The following MSN variants were observed in gnomAD, a reference collection of about 807,000 sequenced individuals.
MSN encodes the protein epididymis luminal protein 70.
In MSN, 2 loss-of-function variants were observed where a neutral mutation model predicts 48.0. The ratio of observed to expected loss-of-function variants is 0.04; its 90% CI spans 0.02 to 0.13. The LOEUF (loss-of-function observed/expected upper bound fraction) is 0.13, where lower values mean the gene tolerates loss of function less well. Among genes scored for constraint, MSN ranks in the 10% least tolerant of loss-of-function variants. The pLI, the probability that MSN is intolerant of heterozygous loss-of-function variation, is 1.00. For missense variants in MSN, 267 were observed against 470.1 expected, an observed-to-expected ratio of 0.57 and a Z score of 3.99; for synonymous variants, 146 against 166.9, an observed-to-expected ratio of 0.87 and a Z score of 0.97.
At chrX:65,733,508 C>G (rs2071644324) in intron 7 of MSN, among the ~76,000 whole-genome samples, 1 of 112,356 alleles carries the variant, frequency 8.9e-6, no homozygotes, top group Non-Finnish European at 1.9e-5. Flanking sequence ...CTACCTGTCT[C>G]TCTCACTGTG....
At chrX:65,639,047 TGCTCCTCCTG>T (rs1569456988) in intron 1 of MSN, among the ~76,000 whole-genome samples, 6 of 112,901 alleles carry the variant, frequency 5.3e-5, no homozygotes, top group African/African-American at 3.2e-5. Flanking sequence ...ATATCTCACT[TGCTCCTCCTG>T]GCTCCTCCTG....
At chrX:65,695,412 A>G (rs1357831066) in intron 1 of MSN, among the ~76,000 whole-genome samples, 1 of 105,893 alleles carries the variant, frequency 9.4e-6, no homozygotes, top group Non-Finnish European at 1.9e-5. Context: ...AGGCATGAGA[A>G]TAGCTTGAAC....
intron 1 of MSN, among the ~76,000 whole-genome samples, chrX:65,696,669 T>C (rs1015807366): frequency 2.8e-4 from 31 of 111,549 alleles, no homozygotes; most frequent in African/African-American, 7.2e-4. Context: ...GAAGGTTATA[T>C]GTTTGTGGTG....
At position 65,730,128 on chromosome X, in the gene MSN, T is replaced by C. The variant is rs140534818; in HGVS notation, c.467+416T>C. Among the ~76,000 whole-genome samples the C allele has an allele frequency of 2.6e-4, 29 of 112,503 alleles. No individual in the cohort carries two copies. The East Asian group carries it at 6.4e-3, about 25-fold the overall frequency. On this transcript the variant is annotated intron_variant, in intron 4 of 12. Coordinates refer to ENST00000360270, the MANE Select transcript of MSN (RefSeq NM_002444.3). ...GGGGAGCTCAAATAGTCTTTTAATA[T>C]TGACAGCTAGTGTACAGAGCTTTCC...
chrX:65,617,556 C>T (rs2070386987), intron 1 of MSN, among the ~76,000 whole-genome samples: 1 of 106,036 alleles, frequency 9.4e-6, no homozygotes, highest in Admixed American at 9.9e-5. Context: ...GGTGATATCC[C>T]CTTTATCATT....
chrX:65,689,399 A>G (rs2071149207), intron 1 of MSN, among the ~76,000 whole-genome samples: 1 of 111,582 alleles, frequency 9.0e-6, no homozygotes, highest in South Asian at 3.8e-4. Context: ...TGAATTTTGT[A>G]AGGGAGCATA....
At chrX:65,627,488 T>C (rs748788073) in intron 1 of MSN, among the ~76,000 whole-genome samples, 7 of 110,822 alleles carry the variant, frequency 6.3e-5, no homozygotes, top group Non-Finnish European at 1.1e-4. Flanking sequence ...AAACCCCTGA[T>C]AAACCCATCA....
intron 7 of MSN, among the ~76,000 whole-genome samples, chrX:65,734,128 A>G (rs943947795): frequency 1.8e-5 from 2 of 112,130 alleles, no homozygotes; most frequent in Non-Finnish European, 3.8e-5. Flanking sequence ...CACACTCGCC[A>G]TGCTTCTTAC....
chrX:65,719,495 A>G (rs1862092434), intron 2 of MSN, among the ~76,000 whole-genome samples: 1 of 111,855 alleles, frequency 8.9e-6, no homozygotes, highest in African/African-American at 3.2e-5. Flanking sequence ...GTGAGGAGGT[A>G]GGGCTAGCTG....
At chrX:65,722,342 C>T (rs1304553534) in intron 2 of MSN, among the ~76,000 whole-genome samples, 4 of 110,568 alleles carry the variant, frequency 3.6e-5, no homozygotes, top group African/African-American at 1.3e-4. Flanking sequence ...CATTGTTTCT[C>T]ACACAGTTCT....
At chrX:65,715,534 T>C (rs1442514236) in intron 1 of MSN, among the ~76,000 whole-genome samples, 1 of 111,852 alleles carries the variant, frequency 8.9e-6, no homozygotes, top group Non-Finnish European at 1.9e-5. Context: ...CTTGTAGAGA[T>C]CTTTCGCTTC....
intron 1 of MSN, among the ~76,000 whole-genome samples, chrX:65,614,819 G>T (rs1455673299): frequency 1.0e-4 from 10 of 97,595 alleles, no homozygotes; most frequent in Non-Finnish European, 1.6e-4. Context: ...TCGTCATCTA[G>T]CATTAGGTAT....
intron 1 of MSN, among the ~76,000 whole-genome samples, chrX:65,632,612 A>G (rs1387143203): frequency 1.8e-5 from 2 of 111,965 alleles, no homozygotes; most frequent in East Asian, 2.8e-4. Context: ...ATTTCTTCAC[A>G]TCGTTGGTGT....
chrX:65,658,579 G>A (rs2070798928), intron 1 of MSN, among the ~76,000 whole-genome samples: 1 of 111,730 alleles, frequency 9.0e-6, no homozygotes, highest in Admixed American at 9.5e-5. Context: ...TTGGGGTCAG[G>A]GGGATTCTTT....
Position 65,652,964 on chromosome X carries a change from G to T in MSN, c.-21-63854G>T, listed in dbSNP as rs546789741. 2.7e-4 allele frequency among the ~76,000 whole-genome samples: 30 copies of T among 112,000 alleles called. No individual in the cohort carries two copies. In the South Asian group the frequency reaches 0.011, roughly 41 times the overall value. ...TTCAGAGGTTCTATGAGTTAAACAT[G>T]GGGCTCTCTCTCTTCTCCCAAGCAT... On this transcript the variant is annotated intron_variant, in intron 1 of 3. Coordinates refer to the MSN transcript ENST00000609672.
Position 65,741,706 on chromosome X carries a change from G to C in MSN, c.*1813G>C. 1 of 168,587 alleles carries C rather than the reference G, an allele frequency of 5.9e-6. No homozygotes were observed. The highest frequency in any genetic ancestry group is 8.5e-5 in the East Asian group (1 of 11,766). 13.9% of individuals were successfully genotyped at this position (168,587 alleles called of 1,213,427 possible). ...GCATTGCTGTGAATTAGCTCACTTGGTGATATGTCCTATATTGGCTAAATT... is the reference window on the plus strand; with the variant it reads ...GCATTGCTGTGAATTAGCTCACTTGCTGATATGTCCTATATTGGCTAAATT... On this transcript the variant is annotated 3_prime_UTR_variant, in exon 13 of 13. Transcript: ENST00000360270.
chrX:65,667,015 A>G (rs2070877936), upstream of MSN, among the ~76,000 whole-genome samples: 1 of 112,147 alleles, frequency 8.9e-6, no homozygotes, highest in South Asian at 3.7e-4. Context: ...TGAAGGAAAG[A>G]TAAATGAGGA....
intron 1 of MSN, among the ~76,000 whole-genome samples, chrX:65,612,853 GT>G (rs534442652): frequency 1.3e-3 from 107 of 82,710 alleles, no homozygotes; most frequent in East Asian, 4.6e-3. Flanking sequence ...GAACCATGGT[GT>G]TTTTTTTTTT....
intron 1 of MSN, among the ~76,000 whole-genome samples, chrX:65,681,842 A>G (rs892234817): frequency 4.5e-5 from 5 of 112,081 alleles, no homozygotes; most frequent in African/African-American, 1.6e-4. Context: ...TGTGATTCCA[A>G]TCAAGCCTCT....
Sources: allele counts gnomAD v4.1 joint callset (sites outside exome capture counted in the v4.1 genomes callset), GRCh38; gene constraint gnomAD v4.1.1; transcripts MANE v1.5; gene names NCBI Gene and HGNC (gene_info 2026-07-23, HGNC 2026-07-21).